MAPK10: variants seen among roughly 807,000 people sequenced by gnomAD.
The protein encoded by MAPK10 is JNK3 alpha protein kinase.
A neutral mutation model predicts 59.3 loss-of-function variants in MAPK10; 25 were observed. The observed-to-expected ratio is 0.42, with a 90% confidence interval of 0.31 to 0.59. The LOEUF (loss-of-function observed/expected upper bound fraction) is 0.59. MAPK10 is among the 20% of genes least tolerant of loss of function. The pLI, the probability that MAPK10 is intolerant of heterozygous loss-of-function variation, is 0.15. For missense variants in MAPK10, 351 were observed against 568.9 expected (o/e 0.62, Z 3.90); for synonymous variants, 190 against 200.5 (o/e 0.95, Z 0.44).
At chr4:86,463,810 A>C (rs770030329) in intron 1 of MAPK10, among the ~76,000 whole-genome samples, 4 of 152,220 alleles carry the variant, frequency 2.6e-5, no homozygotes, top group Non-Finnish European at 4.4e-5. Context: ...CAATTAACAA[A>C]AGAAGCTCAG....
intron 2 of MAPK10, among the ~76,000 whole-genome samples, chr4:86,268,823 A>G (rs183613424): frequency 6.6e-6 from 1 of 152,250 alleles, no homozygotes; most frequent in East Asian, 1.9e-4. Flanking sequence ...TAAATGCATC[A>G]TAGCATGTAT....
intron 1 of MAPK10, among the ~76,000 whole-genome samples, chr4:86,539,144 A>G (rs1400604882): frequency 6.6e-6 from 1 of 152,188 alleles, no homozygotes; most frequent in Non-Finnish European, 1.5e-5. Context: ...ATTAGAAATA[A>G]TGAGCTCAGC....
chr4:86,551,610 CTT>C (rs1759794530), intron 1 of MAPK10, among the ~76,000 whole-genome samples: 1 of 150,748 alleles, frequency 6.6e-6, no homozygotes, highest in African/African-American at 2.4e-5. Context: ...CTCTTTCTCT[CTT>C]TCTTTCTTTT....
At chr4:86,485,769 G>A (rs537114475) in intron 1 of MAPK10, among the ~76,000 whole-genome samples, 31 of 152,292 alleles carry the variant, frequency 2.0e-4, no homozygotes, top group Admixed American at 5.9e-4. Context: ...CAGGCCTCAA[G>A]GGAAGGGCCT....
chr4:86,527,656 C>T (rs1757569315), intron 1 of MAPK10, among the ~76,000 whole-genome samples: 1 of 152,204 alleles, frequency 6.6e-6, no homozygotes, highest in Non-Finnish European at 1.5e-5. Context: ...AATCCCATTA[C>T]TGGGTATATA....
intron 1 of MAPK10, among the ~76,000 whole-genome samples, chr4:86,461,394 T>C (rs1334857332): frequency 6.6e-6 from 1 of 152,166 alleles, no homozygotes; most frequent in Non-Finnish European, 1.5e-5. Flanking sequence ...TGGCAGTTAG[T>C]TGAAATCATT....
At chr4:86,234,058 G>A (rs537170188) in intron 2 of MAPK10, among the ~76,000 whole-genome samples, 1 of 152,274 alleles carries the variant, frequency 6.6e-6, no homozygotes, top group African/African-American at 2.4e-5. Context: ...GAAGCTGCCT[G>A]AGGTGATGAA....
chr4:86,570,185 A>G (rs951285573), intron 1 of MAPK10, among the ~76,000 whole-genome samples: 1 of 152,220 alleles, frequency 6.6e-6, no homozygotes, highest in African/African-American at 2.4e-5. Flanking sequence ...AAGAAATCCC[A>G]TAACTCAAAA....
At chr4:86,154,082 A>G (rs1276362164) in intron 4 of MAPK10, among the ~76,000 whole-genome samples, 1 of 152,130 alleles carries the variant, frequency 6.6e-6, no homozygotes, top group Non-Finnish European at 1.5e-5. Flanking sequence ...ATGTGCCACA[A>G]GAGCTTGAGT....
At chr4:86,304,956 A>G (rs1343070461) in intron 2 of MAPK10, among the ~76,000 whole-genome samples, 4 of 152,200 alleles carry the variant, frequency 2.6e-5, no homozygotes, top group African/African-American at 9.6e-5. Context: ...GTCTGAATTA[A>G]AAATATATGG....
intron 1 of MAPK10, among the ~76,000 whole-genome samples, chr4:86,523,294 C>T (rs1485487328): frequency 6.6e-6 from 1 of 152,154 alleles, no homozygotes; most frequent in Non-Finnish European, 1.5e-5. Flanking sequence ...CATCCCCAAT[C>T]CCTGCCATAC....
chr4:86,388,058 A>C (rs1741734107), intron 1 of MAPK10, among the ~76,000 whole-genome samples: 1 of 151,130 alleles, frequency 6.6e-6, no homozygotes, highest in African/African-American at 2.4e-5. Context: ...ATGGGAGATT[A>C]TCAATGTAAA....
intron 2 of MAPK10, among the ~76,000 whole-genome samples, chr4:86,223,373 T>C (rs947902135): frequency 1.3e-5 from 2 of 152,182 alleles, no homozygotes; most frequent in African/African-American, 4.8e-5. Flanking sequence ...AACTTGCGTA[T>C]GGACTCTGTG....
chr4:86,210,267 T>G (rs894825961), intron 2 of MAPK10, among the ~76,000 whole-genome samples: 5 of 151,618 alleles, frequency 3.3e-5, no homozygotes, highest in Non-Finnish European at 5.9e-5. Flanking sequence ...AAAGCAAAAA[T>G]AGACAAATAG....
In MAPK10 at chr4:86,017,200, A is replaced by C; in HGVS notation, c.*28T>G. The stretch of plus-strand genomic sequence containing the variant: ...GTTCCATCACATCATCTCCTGAAGA[A>C]CGCTGGGTTTCGCAGGCAGGCGGCT... On this transcript the variant is annotated 3_prime_UTR_variant, in exon 14 of 14. Coordinates refer to ENST00000641462, the MANE Select transcript of MAPK10 (RefSeq NM_138982.4). This position sits in a 1 kb window ranked among gnomAD's most constrained non-coding sequence, Gnocchi z 4.4. The C allele has an allele frequency of 6.2e-7, 1 of 1,610,622 alleles. No individual in the cohort carries two copies.
At chr4:86,321,248 G>T (rs1365784949) in intron 2 of MAPK10, among the ~76,000 whole-genome samples, 4 of 152,052 alleles carry the variant, frequency 2.6e-5, no homozygotes, top group Admixed American at 1.3e-4. Flanking sequence ...TATACCCAAA[G>T]GACTATAAAT....
intron 1 of MAPK10, among the ~76,000 whole-genome samples, chr4:86,476,584 C>G (rs1232234796): frequency 6.6e-6 from 1 of 152,186 alleles, no homozygotes; most frequent in Non-Finnish European, 1.5e-5. Context: ...TCTCAATATG[C>G]ATTTTATTTT....
intron 1 of MAPK10, among the ~76,000 whole-genome samples, chr4:86,421,169 C>T (rs576753162): frequency 6.6e-6 from 1 of 152,040 alleles, no homozygotes; most frequent in East Asian, 1.9e-4. Flanking sequence ...TTAAAATGAA[C>T]AATAGGAGTC....
intron 4 of MAPK10, among the ~76,000 whole-genome samples, chr4:86,123,455 T>C (rs1188236375): frequency 6.6e-6 from 1 of 152,044 alleles, no homozygotes; most frequent in Non-Finnish European, 1.5e-5. Flanking sequence ...GTAGTTTTAG[T>C]TTTTTGAGGA....
Sources: gnomAD v4.1 joint callset for allele counts (sites outside exome capture counted in the v4.1 genomes callset) on GRCh38, gnomAD v4.1.1 for gene constraint, Gnocchi (gnomAD v3.1) non-coding constraint, MANE v1.5 for transcripts, NCBI Gene and HGNC (gene_info 2026-07-23, HGNC 2026-07-21) for gene names.